Variants in IGLL5 observed in about 807,000 individuals in gnomAD.
IGLL5 encodes the protein immunoglobulin lambda-like polypeptide 5.
In IGLL5, 30 loss-of-function variants were observed where a neutral mutation model predicts 20.9. The observed-to-expected ratio is 1.44, with a 90% confidence interval of 1.07 to 1.95. IGLL5 has a LOEUF of 1.95. Ranked by LOEUF, IGLL5 falls within the 30% of genes most tolerant of loss-of-function variation. The probability of loss-of-function intolerance (pLI) is 0.00; values close to 1 mark genes in which losing one functional copy is unlikely to be tolerated. For synonymous variants in IGLL5, 203 were observed against 117.3 expected (o/e 1.73, Z -4.72); for missense variants, 475 against 270.7 (o/e 1.75, Z -5.30).
rs143799402 is a variant in IGLL5, at chr22:22,887,958, C to A, written c.-96C>A. 4 of 982,280 alleles carry A rather than the reference C, an allele frequency of 4.1e-6. No homozygotes were observed. The highest frequency in any genetic ancestry group is 1.6e-5 in the African/African-American group (1 of 61,750). 60.8% of individuals were successfully genotyped at this position (982,280 alleles called of 1,614,324 possible). On this transcript the variant is annotated 5_prime_UTR_variant, in exon 1 of 3. The change creates a new upstream start codon in the 5' untranslated region. Coordinates refer to ENST00000526893, the MANE Select transcript of IGLL5 (RefSeq NM_001178126.2). ...GACAGAGCCAATGGACTGGGGTGTA[C>A]TGTAACAGCCCTGCTGGCGAGAGGG...
At chr22:22,894,859 G>C (rs2066703203) in intron 2 of IGLL5, among the ~76,000 whole-genome samples, 1 of 151,434 alleles carries the variant, frequency 6.6e-6, no homozygotes, top group East Asian at 2.0e-4. Flanking sequence ...CTGGGGCAGA[G>C]CCCGGTGCCT....
intron 1 of IGLL5, among the ~76,000 whole-genome samples, chr22:22,889,525 A>G (rs545203498): frequency 2.0e-5 from 3 of 151,342 alleles, no homozygotes; most frequent in Admixed American, 6.6e-5. Context: ...TGATGGGAGA[A>G]AACTGGAAAA....
At chr22:22,894,598 C>T (rs2146043206) in intron 2 of IGLL5, among the ~76,000 whole-genome samples, 1 of 151,304 alleles carries the variant, frequency 6.6e-6, no homozygotes, top group Admixed American at 6.6e-5. Context: ...AGGAAATGAC[C>T]AGAGGGGAGT....
At chr22:22,894,064 T>A (rs571448112) in intron 2 of IGLL5, among the ~76,000 whole-genome samples, 2 of 151,308 alleles carry the variant, frequency 1.3e-5, no homozygotes, top group African/African-American at 4.8e-5. Context: ...GGGTCAGGGC[T>A]CCTCCTCTCT....
At chr22:22,889,767 T>C (rs2067751284) in intron 1 of IGLL5, among the ~76,000 whole-genome samples, 1 of 151,240 alleles carries the variant, frequency 6.6e-6, no homozygotes, top group East Asian at 2.0e-4. Flanking sequence ...TTGATTAGGA[T>C]TATTATTAGT....
At chr22:22,889,277 T>C (rs557784234) in intron 1 of IGLL5, among the ~76,000 whole-genome samples, 4 of 150,678 alleles carry the variant, frequency 2.7e-5, no homozygotes, top group South Asian at 2.1e-4. Flanking sequence ...TCCTATGAAA[T>C]GGGAGCATGA....
intron 1 of IGLL5, among the ~76,000 whole-genome samples, chr22:22,888,625 T>G (rs1379699331): frequency 3.3e-5 from 5 of 150,972 alleles, no homozygotes; most frequent in East Asian, 4.1e-4. Context: ...CCCAGGCCTG[T>G]TCCTCCCCCT....
At chr22:22,888,785 G>A (rs1322197869) in intron 1 of IGLL5, among the ~76,000 whole-genome samples, 3 of 151,462 alleles carry the variant, frequency 2.0e-5, no homozygotes, top group South Asian at 2.1e-4. Flanking sequence ...AGGACACAGG[G>A]AGGGTGGGAT....
intron 2 of IGLL5, among the ~76,000 whole-genome samples, chr22:22,894,408 G>A (rs2068027943): frequency 6.6e-6 from 1 of 151,488 alleles, no homozygotes; most frequent in Admixed American, 6.6e-5. Context: ...TGGGGACACA[G>A]AGGGACGGGT....
chr22:22,895,227 G>A, intron 2 of IGLL5, 148 bp from the exon 3 acceptor site: 1 of 746,812 alleles, frequency 1.3e-6, no homozygotes, highest in African/African-American at 1.7e-5. Flanking sequence ...GGCATGAGTG[G>A]AAAGGATGGG....
At chr22:22,890,921 T>G (rs993320933) in intron 1 of IGLL5, among the ~76,000 whole-genome samples, 1 of 151,250 alleles carries the variant, frequency 6.6e-6, no homozygotes, top group Admixed American at 6.6e-5. Context: ...CTGGTCATCA[T>G]GTTGCCCGCC....
rs148176138 is a variant in IGLL5 at position 22,887,962 on chromosome 22, A to T, written c.-92A>T. On this transcript the variant is annotated 5_prime_UTR_variant, in exon 1 of 3. It removes the in-frame stop codon of an upstream open reading frame in the 5' UTR. Coordinates refer to ENST00000526893, the MANE Select transcript of IGLL5 (RefSeq NM_001178126.2). ...GAGCCAATGGACTGGGGTGTACTGT[A>T]ACAGCCCTGCTGGCGAGAGGGACCA... 10 of 1,021,400 alleles carry T rather than the reference A, an allele frequency of 9.8e-6. No homozygotes were observed. Among genetic ancestry groups the T allele is most frequent in the Middle Eastern group, 2.3e-4 (1 of 4,328 alleles). The allele number at this position is 1,021,400 out of a possible 1,614,324, so 63.3% of individuals were successfully genotyped here. A position where few individuals can be genotyped will look rare whatever the true frequency, so the allele number is the denominator to read the frequency against.
At chr22:22,888,795 T>C (rs1601603991) in intron 1 of IGLL5, among the ~76,000 whole-genome samples, 3 of 151,352 alleles carry the variant, frequency 2.0e-5, no homozygotes, top group Admixed American at 6.6e-5. Context: ...GAGGGTGGGA[T>C]GAACCGAGGG....
intron 1 of IGLL5, among the ~76,000 whole-genome samples, chr22:22,889,271 A>G (rs183315575): frequency 1.3e-5 from 2 of 151,066 alleles, no homozygotes; most frequent in East Asian, 2.0e-4. Context: ...CCAGTTTCCT[A>G]TGAAATGGGA....
Position 22,895,948 on chromosome 22 carries a change from C to G in IGLL5, c.*254C>G, listed in dbSNP as rs56174841. On this transcript the variant is annotated 3_prime_UTR_variant, in exon 3 of 3. Transcript: ENST00000526893. ...TGAAAATCACCCAAGGGAGGAGGCT[C>G]ACAGCCTCCCTGAGTCATCTCCCCA... 1 of 586,194 alleles carries G rather than the reference C, an allele frequency of 1.7e-6. No individual in the cohort carries two copies. The highest frequency in any genetic ancestry group is 3.0e-5 in the Admixed American group (1 of 33,298). The allele number at this position is 586,194 out of a possible 1,614,324, so 36.3% of individuals were successfully genotyped here. A position where few individuals can be genotyped will look rare whatever the true frequency, so the allele number is the denominator to read the frequency against.
chr22:22,888,457 C>T (rs781724837), intron 1 of IGLL5, among the ~76,000 whole-genome samples, 198 bp downstream of exon 1: 7 of 151,396 alleles, frequency 4.6e-5, no homozygotes, highest in East Asian at 2.0e-4. Flanking sequence ...TATCATATTA[C>T]GATATTATTT....
chr22:22,888,628 C>A (rs531859776), intron 1 of IGLL5, among the ~76,000 whole-genome samples: 1 of 151,124 alleles, frequency 6.6e-6, no homozygotes, highest in African/African-American at 2.4e-5. Context: ...AGGCCTGTTC[C>A]TCCCCCTCCT....
At position 22,895,914 on chromosome 22, in the gene IGLL5, C is replaced by T. The variant is rs576542576; in HGVS notation, c.*220C>T. 4.1e-5 allele frequency: 25 copies of T among 611,592 alleles called. No homozygotes were observed. The East Asian group carries it at 7.0e-4, about 17-fold the overall frequency. The allele number at this position is 611,592 out of a possible 1,614,324, so 37.9% of individuals were successfully genotyped here. On this transcript the variant is annotated 3_prime_UTR_variant, in exon 3 of 3. Transcript: ENST00000526893. ...TCAGTGTGGGGTACAGGGAATTCTGCACCCAGTGTGAAAATCACCCAAGGG... is the reference window on the plus strand; with the variant it reads ...TCAGTGTGGGGTACAGGGAATTCTGTACCCAGTGTGAAAATCACCCAAGGG...
Position 22,896,101 on chromosome 22 carries a change from T to G in IGLL5, c.*407T>G. On this transcript the variant is annotated 3_prime_UTR_variant, in exon 3 of 3. Transcript: ENST00000526893. ...TTACTTCTCAATAAATACCTGATCA[T>G]GTAAAACGCAGCATTTCTAATGTGC... The G allele has an allele frequency of 3.0e-6, 1 of 330,774 alleles. No individual in the cohort carries two copies. The allele number at this position is 330,774 out of a possible 1,614,324, so 20.5% of individuals were successfully genotyped here.
Sources: allele counts gnomAD v4.1 joint callset (sites outside exome capture counted in the v4.1 genomes callset), GRCh38; gene constraint gnomAD v4.1.1; transcripts MANE v1.5; gene names NCBI Gene and HGNC (gene_info 2026-07-23, HGNC 2026-07-21).